DLG2: variants seen among roughly 807,000 people sequenced by gnomAD.
DLG2 encodes disks large homolog 2.
DLG2 carries 45 observed loss-of-function variants against 132.5 expected under a neutral mutation model. That is an observed-to-expected ratio of 0.34 (90% CI 0.27 to 0.44). The LOEUF is 0.44. DLG2 is among the 20% of genes least tolerant of loss of function. The pLI, the probability that DLG2 is intolerant of heterozygous loss-of-function variation, is 1.00. For synonymous variants in DLG2, 424 were observed against 419.6 expected (o/e 1.01, Z -0.13); for missense variants, 1,045 against 1,196.9 (o/e 0.87, Z 1.87).
intron 19 of DLG2, chr11:83,632,197 C>T (rs2063683165): frequency 6.6e-6 from 1 of 152,124 alleles, no homozygotes; most frequent in Non-Finnish European, 1.5e-5. Context: ...GCTGTGAATA[C>T]CAAATACATA....
At position 83,887,504 on chromosome 11, in the gene DLG2, G is replaced by A. The variant is rs11530860; in HGVS notation, c.1497-13016C>T. On this transcript the variant is annotated intron_variant, in intron 15 of 27. Transcript: ENST00000376104. ...TCCAGGACCAGACGGATTCACAGCC[G>A]AATTCTACCAGAGGTATAAGGAGGA... Among the ~76,000 whole-genome samples, 104 of 152,120 alleles carry A rather than the reference G, an allele frequency of 6.8e-4. 1 individual carries two copies. In the East Asian group the frequency reaches 0.016, roughly 24 times the overall value.
chr11:84,408,904 T>C (rs1400080087), intron 7 of DLG2, among the ~76,000 whole-genome samples: 1 of 152,180 alleles, frequency 6.6e-6, no homozygotes, highest in Non-Finnish European at 1.5e-5. Context: ...CTTGCTCATC[T>C]TGCATCTACA....
intron 8 of DLG2, among the ~76,000 whole-genome samples, chr11:84,195,572 G>GCTA (rs2096500663): frequency 6.6e-6 from 1 of 152,212 alleles, no homozygotes; most frequent in Non-Finnish European, 1.5e-5. Context: ...GTTACACAAT[G>GCTA]CTAGGCTCAA....
chr11:84,253,799 T>C (rs1040402754), intron 7 of DLG2, among the ~76,000 whole-genome samples: 1 of 152,164 alleles, frequency 6.6e-6, no homozygotes, highest in African/African-American at 2.4e-5. Context: ...AGATTTGACA[T>C]TTGAATATTG....
At chr11:84,340,798 A>C (rs2098510961) in intron 7 of DLG2, among the ~76,000 whole-genome samples, 1 of 147,716 alleles carries the variant, frequency 6.8e-6, no homozygotes, top group Non-Finnish European at 1.5e-5. Flanking sequence ...AAAGATACCA[A>C]AATAAAATCA....
chr11:83,733,232 C>T (rs1399727631), intron 18 of DLG2, among the ~76,000 whole-genome samples: 7 of 133,392 alleles, frequency 5.2e-5, no homozygotes, highest in Non-Finnish European at 1.1e-4. Context: ...TGGAGGGAGA[C>T]CCCATCTCAA....
At chr11:84,696,417 A>C (rs1314482165) in intron 6 of DLG2, among the ~76,000 whole-genome samples, 2 of 151,524 alleles carry the variant, frequency 1.3e-5, no homozygotes, top group African/African-American at 4.8e-5. Flanking sequence ...TAAGGATTTC[A>C]ATTAAGGCAG....
intron 18 of DLG2, among the ~76,000 whole-genome samples, chr11:83,736,112 T>C (rs2091862392): frequency 6.6e-6 from 1 of 152,236 alleles, no homozygotes; most frequent in South Asian, 2.1e-4. Context: ...CATTTTATTT[T>C]AATAACTCTG....
At chr11:84,063,587 A>G (rs975520889) in intron 10 of DLG2, among the ~76,000 whole-genome samples, 18 of 152,194 alleles carry the variant, frequency 1.2e-4, no homozygotes, top group Non-Finnish European at 2.5e-4. Flanking sequence ...TAGAAATACC[A>G]TTTGACCCAG....
At chr11:83,703,995 C>T (rs765898272) in intron 18 of DLG2, among the ~76,000 whole-genome samples, 14 of 152,096 alleles carry the variant, frequency 9.2e-5, no homozygotes, top group Non-Finnish European at 1.9e-4. Flanking sequence ...TATCAACTAC[C>T]ATGACTACCA....
At chr11:83,572,210 T>A (rs1160759304) in intron 19 of DLG2, among the ~76,000 whole-genome samples, 1 of 152,128 alleles carries the variant, frequency 6.6e-6, no homozygotes, top group African/African-American at 2.4e-5. Context: ...CATTATTTTA[T>A]ATTTTTGTTT....
At chr11:83,761,813 C>T (rs1352923031) in intron 18 of DLG2, among the ~76,000 whole-genome samples, 1 of 152,180 alleles carries the variant, frequency 6.6e-6, no homozygotes, top group Non-Finnish European at 1.5e-5. Flanking sequence ...CACTACCTAG[C>T]ACAGATCCCA....
At chr11:84,600,151 A>AGAAAGAAGGAAAGAAG (rs1239848370) in intron 6 of DLG2, among the ~76,000 whole-genome samples, 5 of 109,918 alleles carry the variant, frequency 4.5e-5, no homozygotes, top group African/African-American at 7.3e-5. Flanking sequence ...AAGGAAAGAA[A>AGAAAGAAGGAAAGAAG]GAAAGAAGGA....
At chr11:84,322,278 A>G (rs187342793) in intron 7 of DLG2, among the ~76,000 whole-genome samples, 18 of 152,358 alleles carry the variant, frequency 1.2e-4, no homozygotes, top group Non-Finnish European at 1.0e-4. Context: ...CTTTAGTGGA[A>G]CATTTAGTAT....
chr11:84,015,041 T>C (rs997703859), intron 11 of DLG2, among the ~76,000 whole-genome samples: 2 of 152,176 alleles, frequency 1.3e-5, no homozygotes, highest in African/African-American at 4.8e-5. Context: ...CACATTGATT[T>C]TTTCACCTTT....
At chr11:84,812,266 A>C (rs1399430851) in intron 6 of DLG2, among the ~76,000 whole-genome samples, 2 of 152,178 alleles carry the variant, frequency 1.3e-5, no homozygotes, top group African/African-American at 4.8e-5. Context: ...GATAAATAAA[A>C]TGTTACTGTA....
At chr11:84,974,875 AG>A (rs1489370911) in intron 6 of DLG2, among the ~76,000 whole-genome samples, 1 of 152,268 alleles carries the variant, frequency 6.6e-6, no homozygotes, top group Non-Finnish European at 1.5e-5. Context: ...AAAATAAACA[AG>A]GGCAACCTTG....
At chr11:84,191,427 C>A (rs1437520669) in intron 8 of DLG2, among the ~76,000 whole-genome samples, 3 of 152,048 alleles carry the variant, frequency 2.0e-5, no homozygotes, top group Non-Finnish European at 4.4e-5. Flanking sequence ...GGAAAGAATG[C>A]CAGATTTGTG....
chr11:83,911,941 A>G (rs1443743098), intron 15 of DLG2, among the ~76,000 whole-genome samples: 2 of 152,040 alleles, frequency 1.3e-5, no homozygotes, highest in Admixed American at 1.3e-4. Flanking sequence ...TAACTTGTTA[A>G]TTCCTACCCC....
Sources: gnomAD v4.1 joint callset for allele counts (sites outside exome capture counted in the v4.1 genomes callset) on GRCh38, gnomAD v4.1.1 for gene constraint, MANE v1.5 for transcripts, NCBI Gene and HGNC (gene_info 2026-07-23, HGNC 2026-07-21) for gene names.